The following NKAIN2 variants were observed in gnomAD, a reference collection of about 807,000 sequenced individuals.
NKAIN2 encodes sodium/potassium transporting ATPase interacting 2, also known as sodium/potassium-transporting ATPase subunit beta-1-interacting protein 2.
NKAIN2 carries 14 observed loss-of-function variants against 32.6 expected under a neutral mutation model. That is an observed-to-expected ratio of 0.43 (90% CI 0.28 to 0.67). The LOEUF (loss-of-function observed/expected upper bound fraction) is 0.67, where lower values mean the gene tolerates loss of function less well. Ranked by LOEUF, NKAIN2 falls within the 30% of genes least tolerant of loss-of-function variation. The pLI, the probability that NKAIN2 is intolerant of heterozygous loss-of-function variation, is 0.17. For synonymous variants in NKAIN2, 80 were observed against 87.2 expected (o/e 0.92, Z 0.46); for missense variants, 198 against 258.3 (o/e 0.77, Z 1.60).
intron 3 of NKAIN2, among the ~76,000 whole-genome samples, chr6:124,637,772 A>G (rs1472999603): frequency 6.6e-6 from 1 of 152,160 alleles, no homozygotes; most frequent in Non-Finnish European, 1.5e-5. Flanking sequence ...GGACCCCCAA[A>G]AATAAAAAGA....
chr6:124,463,737 C>T (rs1420590726), intron 3 of NKAIN2, among the ~76,000 whole-genome samples: 1 of 152,022 alleles, frequency 6.6e-6, no homozygotes, highest in Non-Finnish European at 1.5e-5. Context: ...TATACACATG[C>T]CTGTACAGGG....
chr6:123,935,841 T>C (rs531569485), intron 1 of NKAIN2, among the ~76,000 whole-genome samples: 1 of 152,232 alleles, frequency 6.6e-6, no homozygotes, highest in Non-Finnish European at 1.5e-5. Context: ...GGAGGTTCTT[T>C]TGTGCTTTTT....
chr6:124,230,077 C>G (rs548879841), intron 1 of NKAIN2, among the ~76,000 whole-genome samples: 1 of 151,942 alleles, frequency 6.6e-6, no homozygotes, highest in South Asian at 2.1e-4. Context: ...TGGCTTTGAC[C>G]CAAATGCTGA....
intron 1 of NKAIN2, among the ~76,000 whole-genome samples, chr6:124,182,434 T>A (rs1239540533): frequency 1.3e-5 from 2 of 152,200 alleles, no homozygotes; most frequent in Non-Finnish European, 2.9e-5. Flanking sequence ...TATTGTACCA[T>A]AGACAAAGAC....
chr6:124,533,471 C>CAAAA lies in NKAIN2; in HGVS notation c.274-124698_274-124695dup, dbSNP rs201100605. On this transcript the variant is annotated intron_variant, in intron 3 of 6. Transcript: ENST00000368417. ...TGGGTGACAGAGCAAGACTCTGTCT[C>CAAAA]AAAAAAAAAAAAAAAAAAAATCCTG... 2.5e-4 allele frequency among the ~76,000 whole-genome samples: 15 copies of CAAAA among 58,982 alleles called. 6 individuals carry two copies. Among genetic ancestry groups the CAAAA allele is most frequent in the African/African-American group, 3.5e-4 (5 of 14,254 alleles). 38.7% of individuals were successfully genotyped at this position (58,982 alleles called of 152,430 possible). A position where few individuals can be genotyped will look rare whatever the true frequency, so the allele number is the denominator to read the frequency against.
intron 2 of NKAIN2, among the ~76,000 whole-genome samples, chr6:124,314,644 T>G (rs567238829): frequency 6.6e-6 from 1 of 152,250 alleles, no homozygotes; most frequent in African/African-American, 2.4e-5. Flanking sequence ...TATCCATACC[T>G]TATCAGCCAG....
At chr6:124,286,925 G>T (rs141529594) in intron 2 of NKAIN2, among the ~76,000 whole-genome samples, 3 of 151,870 alleles carry the variant, frequency 2.0e-5, no homozygotes, top group Non-Finnish European at 4.4e-5. Context: ...CTCATGATCC[G>T]CCCACCTTGG....
chr6:123,951,723 C>T (rs1777337323), intron 1 of NKAIN2, among the ~76,000 whole-genome samples: 2 of 151,402 alleles, frequency 1.3e-5, no homozygotes, highest in African/African-American at 4.9e-5. Flanking sequence ...GTCTATTCAG[C>T]CAATATGTAT....
chr6:124,126,239 C>G (rs1020390935), intron 1 of NKAIN2, among the ~76,000 whole-genome samples: 1 of 152,162 alleles, frequency 6.6e-6, no homozygotes, highest in Non-Finnish European at 1.5e-5. Context: ...ATTTCAGTCA[C>G]ACCTGGAATC....
At chr6:124,658,142 C>A in intron 3 of NKAIN2, 44 bp from the exon 4 acceptor site, 1 of 1,447,520 alleles carries the variant, frequency 6.9e-7, no homozygotes, top group Non-Finnish European at 9.4e-7. Flanking sequence ...AGCTGACTAA[C>A]ATTTATAAAG....
chr6:123,906,350 A>G (rs1774871301), intron 1 of NKAIN2, among the ~76,000 whole-genome samples: 2 of 151,062 alleles, frequency 1.3e-5, no homozygotes, highest in Admixed American at 6.6e-5. Flanking sequence ...TGGTGCGATC[A>G]TGGCTCACTG....
intron 1 of NKAIN2, among the ~76,000 whole-genome samples, chr6:123,900,593 G>T (rs1774532427): frequency 9.3e-6 from 1 of 107,194 alleles, no homozygotes; most frequent in African/African-American, 3.3e-5. Flanking sequence ...AAACATTAGT[G>T]GTAGAAGGGG....
At chr6:123,922,008 G>T (rs1775780959) in intron 1 of NKAIN2, among the ~76,000 whole-genome samples, 1 of 151,938 alleles carries the variant, frequency 6.6e-6, no homozygotes, top group South Asian at 2.1e-4. Flanking sequence ...CAAGGTGTAT[G>T]ACTACGATGC....
chr6:124,075,845 C>A lies in NKAIN2; in HGVS notation c.55-207160C>A, dbSNP rs374573938. Among the ~76,000 whole-genome samples the A allele has an allele frequency of 3.3e-5, 5 of 152,178 alleles. No homozygotes were observed. The East Asian group carries it at 9.6e-4, about 29-fold the overall frequency. On this transcript the variant is annotated intron_variant, in intron 1 of 6. Coordinates refer to ENST00000368417, the MANE Select transcript of NKAIN2 (RefSeq NM_001040214.3). ...TCCTGACCTCAAGTGATCTGCCTGT[C>A]TCAGCCTCTCAAACTGCTGTGATTA...
chr6:124,176,298 T>C (rs1789153272), intron 1 of NKAIN2, among the ~76,000 whole-genome samples: 1 of 152,180 alleles, frequency 6.6e-6, no homozygotes, highest in Admixed American at 6.5e-5. Flanking sequence ...AAAAAATGCA[T>C]TATCTGTGAA....
intron 1 of NKAIN2, among the ~76,000 whole-genome samples, chr6:123,921,634 A>G (rs1031876892): frequency 3.9e-5 from 6 of 152,150 alleles, no homozygotes; most frequent in Admixed American, 3.3e-4. Context: ...CTTGCATTCA[A>G]CTGTCAAATG....
chr6:124,338,993 A>G (rs75360417), intron 2 of NKAIN2, among the ~76,000 whole-genome samples: 1,958 of 152,296 alleles, frequency 0.013, 43 homozygotes, highest in African/African-American at 0.044. Context: ...GCTGTAACAA[A>G]TTACCACAGA....
intron 1 of NKAIN2, among the ~76,000 whole-genome samples, chr6:123,883,276 C>G (rs1008620692): frequency 3.0e-4 from 45 of 152,036 alleles, no homozygotes; most frequent in Non-Finnish European, 5.9e-5. Flanking sequence ...TCCCAAGTAG[C>G]TGGGACTATA....
intron 1 of NKAIN2, among the ~76,000 whole-genome samples, chr6:123,875,915 G>T (rs957047636): frequency 6.6e-6 from 1 of 151,822 alleles, no homozygotes; most frequent in African/African-American, 2.4e-5. Flanking sequence ...TTATTACTAT[G>T]TATTAGTACA....
Sources: gnomAD v4.1 joint callset for allele counts (sites outside exome capture counted in the v4.1 genomes callset) on GRCh38, gnomAD v4.1.1 for gene constraint, MANE v1.5 for transcripts, NCBI Gene and HGNC (gene_info 2026-07-23, HGNC 2026-07-21) for gene names.